Variants in PTPRZ1 observed in about 807,000 individuals in gnomAD.
The protein encoded by PTPRZ1 is protein tyrosine phosphatase receptor type Z1, also known as receptor-type tyrosine-protein phosphatase zeta.
PTPRZ1 carries 82 observed loss-of-function variants against 214.1 expected under a neutral mutation model. The observed-to-expected ratio is 0.38, with a 90% CI of 0.32 to 0.46. PTPRZ1 has a LOEUF of 0.46. Ranked by LOEUF, PTPRZ1 falls within the 20% of genes least tolerant of loss-of-function variation. The probability of loss-of-function intolerance (pLI) is 1.00; values close to 1 mark genes in which losing one functional copy is unlikely to be tolerated. For missense variants in PTPRZ1, 2,603 were observed against 2,748.7 expected (o/e 0.95, Z 1.19); for synonymous variants, 945 against 987.9 (o/e 0.96, Z 0.81).
chr7:121,970,214 G>T (rs1797195492), intron 3 of PTPRZ1, among the ~76,000 whole-genome samples: 1 of 152,038 alleles, frequency 6.6e-6, no homozygotes, highest in Non-Finnish European at 1.5e-5. Flanking sequence ...TTGGACATTT[G>T]GATTGGTTCC....
chr7:121,955,121 A>T (rs1196484), intron 2 of PTPRZ1, among the ~76,000 whole-genome samples: 93,558 of 151,674 alleles, frequency 0.62, 29,404 homozygotes, highest in African/African-American at 0.73. Context: ...TCAGACTGCA[A>T]CTCTGTGTCA....
At chr7:121,931,449 C>T (rs774047268) in intron 2 of PTPRZ1, among the ~76,000 whole-genome samples, 4 of 152,272 alleles carry the variant, frequency 2.6e-5, no homozygotes, top group South Asian at 4.1e-4. Flanking sequence ...GCACCCTCCA[C>T]TCTCCCTAAA....
At chr7:122,006,820 T>G (rs930320130) in intron 11 of PTPRZ1, among the ~76,000 whole-genome samples, 2 of 152,088 alleles carry the variant, frequency 1.3e-5, no homozygotes, top group Non-Finnish European at 2.9e-5. Flanking sequence ...AAAGGATGAT[T>G]CACAGGTGTG....
At chr7:122,002,971 C>T (rs1382193131) in intron 10 of PTPRZ1, among the ~76,000 whole-genome samples, 1 of 152,146 alleles carries the variant, frequency 6.6e-6, no homozygotes, top group Non-Finnish European at 1.5e-5. Flanking sequence ...TTTTTATATG[C>T]ATGAACTTCT....
At chr7:122,035,427 T>C (rs1322466273) in intron 17 of PTPRZ1, among the ~76,000 whole-genome samples, 1 of 152,224 alleles carries the variant, frequency 6.6e-6, no homozygotes, top group African/African-American at 2.4e-5. Context: ...ACAAGCTAAA[T>C]AGAACATACG....
At chr7:122,037,269 C>T (rs1368914183) in intron 18 of PTPRZ1, among the ~76,000 whole-genome samples, 2 of 146,262 alleles carry the variant, frequency 1.4e-5, no homozygotes, top group South Asian at 4.4e-4. Context: ...AGTGAGACTC[C>T]GTCTCAGAAA....
At chr7:121,958,745 C>T (rs1228244043) in intron 2 of PTPRZ1, among the ~76,000 whole-genome samples, 1 of 152,146 alleles carries the variant, frequency 6.6e-6, no homozygotes, top group Non-Finnish European at 1.5e-5. Flanking sequence ...TAGAAGTCAT[C>T]CTTTGCCATT....
chr7:122,040,759 TG>T, intron 20 of PTPRZ1, 56 bp from the exon 21 acceptor site: 1 of 918,118 alleles, frequency 1.1e-6, no homozygotes. Flanking sequence ...TGTGTGTGTG[TG>T]TGTGTGTGTG....
chr7:121,907,434 A>AT (rs531615167), intron 1 of PTPRZ1, among the ~76,000 whole-genome samples: 1 of 151,902 alleles, frequency 6.6e-6, no homozygotes, highest in Non-Finnish European at 1.5e-5. Flanking sequence ...CATAAGACAC[A>AT]TTTTTTTAGG....
intron 3 of PTPRZ1, among the ~76,000 whole-genome samples, chr7:121,968,656 G>A (rs1247412069): frequency 9.7e-5 from 14 of 145,048 alleles, no homozygotes; most frequent in Non-Finnish European, 1.8e-4. Context: ...TTAAAAAAAA[G>A]CAAAATATAA....
intron 8 of PTPRZ1, among the ~76,000 whole-genome samples, chr7:121,984,980 C>T (rs998693076): frequency 2.0e-5 from 3 of 152,030 alleles, no homozygotes; most frequent in African/African-American, 7.3e-5. Flanking sequence ...GATATCAGTC[C>T]TGCAATGAAT....
At chr7:122,035,991 A>G (rs533038907) in intron 17 of PTPRZ1, among the ~76,000 whole-genome samples, 2 of 152,312 alleles carry the variant, frequency 1.3e-5, no homozygotes, top group South Asian at 2.1e-4. Context: ...GCAGTGTGCT[A>G]TCTACCTCCT....
intron 2 of PTPRZ1, among the ~76,000 whole-genome samples, chr7:121,947,130 A>C (rs1796404565): frequency 6.6e-6 from 1 of 152,132 alleles, no homozygotes; most frequent in Non-Finnish European, 1.5e-5. Context: ...ATAGGAAAAT[A>C]TTCTTGTCCT....
chr7:122,013,671 T>A lies in PTPRZ1; in HGVS notation c.4625T>A (p.Val1542Asp). 1 of 1,614,222 alleles carries A rather than the reference T, an allele frequency of 6.2e-7. No individual in the cohort carries two copies. Among genetic ancestry groups the A allele is most frequent in the Non-Finnish European group, 8.5e-7 (1 of 1,180,030 alleles). The change falls in exon 12 of 30, where the codon GTT (valine) becomes GAT (aspartate). Residue 1542 changes from valine (V) to aspartate (D), a missense_variant. By Grantham distance (152) the Val-to-Asp change is radical (BLOSUM62 -3). Around this residue, in one of 6 missense-constraint regions of PTPRZ1, gnomAD observed 1,913 missense variants for 1,914.3 expected, o/e 1.00. Transcript: ENST00000393386. ...PLSPESKAWA[V>D]LTSDEESGSG... Reference sequence around the variant, plus strand: ...AGCCCTGAATCTAAAGCATGGGCAGTTCTGACAAGTGATGAAGAAAGTGGA... The same window carrying A: ...AGCCCTGAATCTAAAGCATGGGCAGATCTGACAAGTGATGAAGAAAGTGGA...
chr7:122,028,356 G>C (rs112856483), intron 13 of PTPRZ1, 196 bp from the exon 14 acceptor site: 1 of 457,788 alleles, frequency 2.2e-6, no homozygotes, highest in Non-Finnish European at 3.9e-6. Context: ...TCTGCTACAG[G>C]TAAAACTGAG....
intron 1 of PTPRZ1, among the ~76,000 whole-genome samples, chr7:121,919,025 T>C (rs1385492395): frequency 2.6e-5 from 4 of 152,148 alleles, no homozygotes; most frequent in Middle Eastern, 6.8e-3. Flanking sequence ...TTAATCTCTG[T>C]TAATCTTTTA....
At chr7:121,950,463 A>G (rs1310113267) in intron 2 of PTPRZ1, among the ~76,000 whole-genome samples, 2 of 152,244 alleles carry the variant, frequency 1.3e-5, no homozygotes, top group Non-Finnish European at 2.9e-5. Context: ...CCAGATAGTG[A>G]TAAAGAAGCA....
chr7:121,930,836 A>G (rs1273468374), intron 2 of PTPRZ1, among the ~76,000 whole-genome samples: 1 of 152,164 alleles, frequency 6.6e-6, no homozygotes, highest in African/African-American at 2.4e-5. Flanking sequence ...CTAGTATTTT[A>G]TAAAAATCAT....
chr7:121,949,116 G>C (rs952522272), intron 2 of PTPRZ1, among the ~76,000 whole-genome samples: 2 of 152,058 alleles, frequency 1.3e-5, no homozygotes, highest in African/African-American at 4.8e-5. Flanking sequence ...GTCTGGAAAG[G>C]TGGGACAACT....
Sources: gnomAD v4.1 joint callset for allele counts (sites outside exome capture counted in the v4.1 genomes callset) on GRCh38, gnomAD v4.1.1 for gene constraint, gnomAD v4.1.1 regional missense constraint, MANE v1.5 for transcripts, NCBI Gene and HGNC (gene_info 2026-07-23, HGNC 2026-07-21) for gene names.